Variants in RNF38 observed in about 807,000 individuals in gnomAD.
The protein encoded by RNF38 is ring finger protein 38, also known as E3 ubiquitin-protein ligase RNF38.
A neutral mutation model predicts 67.2 loss-of-function variants in RNF38; 15 were observed. That is an observed-to-expected ratio of 0.22 (90% confidence interval 0.15 to 0.34). The LOEUF (loss-of-function observed/expected upper bound fraction) is 0.34. Ranked by LOEUF, RNF38 falls within the 10% of genes least tolerant of loss-of-function variation. The pLI is 1.00. For synonymous variants in RNF38, 220 were observed against 218.8 expected, an observed-to-expected ratio of 1.01 and a Z score of -0.05; for missense variants, 524 against 639.9, an observed-to-expected ratio of 0.82 and a Z score of 1.95.
chr9:36,419,255 T>C (rs1369199738), intron 2 of RNF38, among the ~76,000 whole-genome samples: 2 of 152,212 alleles, frequency 1.3e-5, no homozygotes, highest in Admixed American at 6.5e-5. Flanking sequence ...ATAAGCGATA[T>C]TGAACCTGTA....
intron 4 of RNF38, among the ~76,000 whole-genome samples, chr9:36,368,699 A>T (rs1726828299): frequency 1.3e-5 from 2 of 152,212 alleles, no homozygotes; most frequent in Non-Finnish European, 2.9e-5. Context: ...TAAGAAGAGT[A>T]TCTAGGTAAG....
chr9:36,370,808 T>A (rs1219583137), intron 3 of RNF38, among the ~76,000 whole-genome samples: 1 of 151,752 alleles, frequency 6.6e-6, no homozygotes, highest in Non-Finnish European at 1.5e-5. Context: ...CCTGGGAGGC[T>A]GAAGTGGGAG....
At chr9:36,462,161 G>C (rs77589953) in intron 1 of RNF38, among the ~76,000 whole-genome samples, 8,597 of 152,202 alleles carry the variant, frequency 0.056, 758 homozygotes, top group African/African-American at 0.19. Context: ...CACTGGTTTG[G>C]CAACCCACCA....
At chr9:36,383,409 CTT>C (rs371498657) in intron 2 of RNF38, among the ~76,000 whole-genome samples, 283 of 152,246 alleles carry the variant, frequency 1.9e-3, no homozygotes, top group African/African-American at 6.5e-3. Context: ...CCAAGACAGT[CTT>C]TATTTCTTGA....
At position 36,464,263 on chromosome 9, in the gene RNF38, A is replaced by G. The variant is rs115340402; in HGVS notation, n.241+23045T>C. ...ATTATGTAGATGAAATGCAAGCCTT[A>G]ATTATAATTTGAAATCATATTTAGG... is the stretch of plus-strand genomic sequence containing the variant. On this transcript the variant is annotated intron_variant and non_coding_transcript_variant, in intron 1 of 3. Transcript: ENST00000488058. Among the ~76,000 whole-genome samples the G allele has an allele frequency of 4.3e-3, 650 of 151,814 alleles. 5 individuals are homozygous for G. The highest frequency in any genetic ancestry group is 0.015 in the African/African-American group (611 of 41,392).
At chr9:36,437,906 T>C (rs746523867) in intron 1 of RNF38, among the ~76,000 whole-genome samples, 3 of 152,144 alleles carry the variant, frequency 2.0e-5, no homozygotes, top group Non-Finnish European at 4.4e-5. Flanking sequence ...ACAAAAAGGT[T>C]TGTAGGCATA....
intron 1 of RNF38, among the ~76,000 whole-genome samples, chr9:36,451,774 A>G (rs547297273): frequency 5.9e-5 from 9 of 151,892 alleles, no homozygotes; most frequent in South Asian, 4.2e-4. Flanking sequence ...TGCTGGGATT[A>G]CAGGCATTAG....
At chr9:36,343,073 A>AT (rs1239507755) in intron 10 of RNF38, among the ~76,000 whole-genome samples, 1 of 151,986 alleles carries the variant, frequency 6.6e-6, no homozygotes, top group Non-Finnish European at 1.5e-5. Flanking sequence ...TGTAAGTGCT[A>AT]TGTAAATAGT....
chr9:36,468,350 C>T (rs1839914173), intron 1 of RNF38, among the ~76,000 whole-genome samples: 2 of 152,128 alleles, frequency 1.3e-5, no homozygotes, highest in South Asian at 4.1e-4. Context: ...ACATGCTACC[C>T]TGAGAGGTGA....
upstream of RNF38, among the ~76,000 whole-genome samples, chr9:36,403,470 T>C (rs1425956459): frequency 1.3e-5 from 2 of 152,232 alleles, no homozygotes; most frequent in South Asian, 4.1e-4. Flanking sequence ...GTACAGCATT[T>C]GTAAGAAAAG....
rs554241919 is a variant in RNF38 at position 36,437,453 on chromosome 9, A to G, written n.242-12770T>C. Among the ~76,000 whole-genome samples the G allele has an allele frequency of 2.0e-5, 3 of 152,330 alleles. No individual in the cohort carries two copies. The South Asian group carries it at 6.2e-4, about 32-fold the overall frequency. The stretch of plus-strand genomic sequence containing the variant: ...TGTAAAATGTTACCCTCCATCTAGG[A>G]AACAAATCATTTTCACCTGAGCTCA... On this transcript the variant is annotated intron_variant and non_coding_transcript_variant, in intron 1 of 3. Coordinates refer to the RNF38 transcript ENST00000488058.
At chr9:36,393,477 T>TTGTGTG (rs58913703) in intron 1 of RNF38, among the ~76,000 whole-genome samples, 5,308 of 87,524 alleles carry the variant, frequency 0.061, 157 homozygotes, top group East Asian at 0.093. Flanking sequence ...CACACACACA[T>TTGTGTG]TGTGTGTGTG....
At chr9:36,464,451 A>G (rs1178928853) in intron 1 of RNF38, among the ~76,000 whole-genome samples, 2 of 151,834 alleles carry the variant, frequency 1.3e-5, no homozygotes, top group Non-Finnish European at 2.9e-5. Flanking sequence ...CACACCTGTA[A>G]TCCCAGCTAC....
At chr9:36,351,888 A>C (rs1833716258) in intron 8 of RNF38, among the ~76,000 whole-genome samples, 1 of 152,210 alleles carries the variant, frequency 6.6e-6, no homozygotes, top group Non-Finnish European at 1.5e-5. Context: ...ATATGACTAG[A>C]GCCTGAGAGG....
chr9:36,414,734 G>A (rs574972121), intron 2 of RNF38, among the ~76,000 whole-genome samples: 247 of 150,882 alleles, frequency 1.6e-3, no homozygotes, highest in African/African-American at 5.9e-3. Flanking sequence ...AGCAGTTCCT[G>A]TAGTGCTGGC....
intron 1 of RNF38, among the ~76,000 whole-genome samples, chr9:36,479,705 T>A (rs1035146422): frequency 6.6e-6 from 1 of 152,072 alleles, no homozygotes; most frequent in Non-Finnish European, 1.5e-5. Context: ...CAAAGATGTA[T>A]TGAGGTGGCA....
chr9:36,474,397 G>A (rs1840076644), intron 1 of RNF38, among the ~76,000 whole-genome samples: 1 of 148,796 alleles, frequency 6.7e-6, no homozygotes, highest in African/African-American at 2.5e-5. Context: ...ACAAAAGACT[G>A]CAAATTCTCT....
intron 1 of RNF38, among the ~76,000 whole-genome samples, chr9:36,459,679 A>G (rs895022271): frequency 1.3e-5 from 2 of 152,188 alleles, no homozygotes; most frequent in Non-Finnish European, 2.9e-5. Context: ...TAATTATTGT[A>G]TAGTGCTTAC....
intron 2 of RNF38, among the ~76,000 whole-genome samples, chr9:36,411,862 C>G (rs1838334671): frequency 6.6e-6 from 1 of 152,070 alleles, no homozygotes; most frequent in Non-Finnish European, 1.5e-5. Flanking sequence ...AACCACCACG[C>G]TCAGCCTTAC....
Sources: allele counts gnomAD v4.1 joint callset (sites outside exome capture counted in the v4.1 genomes callset), GRCh38; gene constraint gnomAD v4.1.1; transcripts MANE v1.5; gene names NCBI Gene and HGNC (gene_info 2026-07-23, HGNC 2026-07-21).